The following KCNQ5 variants were observed in gnomAD, a reference collection of about 807,000 sequenced individuals.
The protein encoded by KCNQ5 is potassium voltage-gated channel subfamily KQT member 5.
Under a neutral mutation model 98.2 loss-of-function variants are expected in KCNQ5, and 30 were observed. The ratio of observed to expected loss-of-function variants is 0.31; its 90% CI spans 0.23 to 0.41. KCNQ5 has a LOEUF of 0.41. Ranked by LOEUF, KCNQ5 falls within the 10% of genes least tolerant of loss-of-function variation. The pLI is 1.00. For synonymous variants in KCNQ5, 458 were observed against 449.4 expected (o/e 1.02, Z -0.24); for missense variants, 835 against 1,182.5 (o/e 0.71, Z 4.31).
intron 1 of KCNQ5, among the ~76,000 whole-genome samples, chr6:72,804,123 A>G (rs182982967): frequency 6.6e-6 from 1 of 152,236 alleles, no homozygotes; most frequent in African/African-American, 2.4e-5. Context: ...AGGGCATACA[A>G]GGCATGATAA....
At chr6:72,762,124 T>C (rs1370836280) in intron 1 of KCNQ5, among the ~76,000 whole-genome samples, 1 of 151,926 alleles carries the variant, frequency 6.6e-6, no homozygotes, top group African/African-American at 2.4e-5. Flanking sequence ...GGAACTCCAG[T>C]AGAAGTGCCA....
chr6:72,950,027 G>GA (rs890685686), intron 1 of KCNQ5, among the ~76,000 whole-genome samples: 5 of 151,488 alleles, frequency 3.3e-5, no homozygotes, highest in African/African-American at 4.8e-5. Flanking sequence ...CAAAAGAGAT[G>GA]AAAAAAAATT....
chr6:72,703,250 T>C (rs1187511171), intron 1 of KCNQ5, among the ~76,000 whole-genome samples: 1 of 152,224 alleles, frequency 6.6e-6, no homozygotes, highest in Non-Finnish European at 1.5e-5. Context: ...CCCAGCATCT[T>C]ATCTTTGCCC....
chr6:73,012,987 A>G (rs886506523), intron 2 of KCNQ5, among the ~76,000 whole-genome samples: 2 of 152,142 alleles, frequency 1.3e-5, no homozygotes, highest in South Asian at 2.1e-4. Context: ...AAATATGATC[A>G]TCATGGGATC....
intron 1 of KCNQ5, among the ~76,000 whole-genome samples, chr6:72,693,093 A>G (rs1768294549): frequency 6.6e-6 from 1 of 152,208 alleles, no homozygotes; most frequent in Non-Finnish European, 1.5e-5. Flanking sequence ...ACTTTGAAGT[A>G]TAGATTTATG....
At chr6:73,119,246 G>A (rs1775645965) in intron 7 of KCNQ5, among the ~76,000 whole-genome samples, 1 of 152,190 alleles carries the variant, frequency 6.6e-6, no homozygotes, top group African/African-American at 2.4e-5. Context: ...TCCAATAACA[G>A]TCTTCAAGCA....
intron 1 of KCNQ5, among the ~76,000 whole-genome samples, chr6:72,698,787 T>C (rs1216580765): frequency 6.6e-6 from 1 of 151,218 alleles, no homozygotes; most frequent in Non-Finnish European, 1.5e-5. Flanking sequence ...CCTGAGTAGC[T>C]AGGACTGCAG....
intron 5 of KCNQ5, among the ~76,000 whole-genome samples, chr6:73,095,550 G>T (rs1031423676): frequency 6.6e-6 from 1 of 152,146 alleles, no homozygotes. Context: ...ATTTGGGTAG[G>T]CTCTGTCAGA....
At chr6:72,738,736 T>C (rs1460221829) in intron 1 of KCNQ5, among the ~76,000 whole-genome samples, 1 of 152,062 alleles carries the variant, frequency 6.6e-6, no homozygotes, top group Non-Finnish European at 1.5e-5. Context: ...AAATAAGGTA[T>C]CACATCGTGA....
At chr6:72,901,857 A>T (rs1779520230) in intron 1 of KCNQ5, among the ~76,000 whole-genome samples, 1 of 151,908 alleles carries the variant, frequency 6.6e-6, no homozygotes, top group African/African-American at 2.4e-5. Flanking sequence ...TATGAATTTT[A>T]TCATTGTTTT....
intron 5 of KCNQ5, among the ~76,000 whole-genome samples, chr6:73,096,330 C>A (rs1774494625): frequency 1.1e-5 from 1 of 87,116 alleles, no homozygotes. Flanking sequence ...GGCAAAGGTC[C>A]TTAGGCAAAA....
chr6:72,986,825 G>A (rs188392849), intron 1 of KCNQ5: 2 of 1,209,640 alleles, frequency 1.7e-6, no homozygotes, highest in Non-Finnish European at 2.5e-6. Context: ...GGAAACAAAG[G>A]GGGCCCAGGA....
intron 1 of KCNQ5, among the ~76,000 whole-genome samples, chr6:72,979,618 C>T (rs1181778586): frequency 1.3e-5 from 2 of 152,110 alleles, no homozygotes; most frequent in African/African-American, 2.4e-5. Context: ...TTCTCCCATT[C>T]TGTAGGTTGC....
At chr6:72,828,693 T>TA (rs965304406) in intron 1 of KCNQ5, among the ~76,000 whole-genome samples, 7 of 151,968 alleles carry the variant, frequency 4.6e-5, no homozygotes, top group African/African-American at 1.2e-4. Context: ...TTTTCCTCTT[T>TA]AAAAAAAATC....
At chr6:72,852,014 T>C (rs1189419134) in intron 1 of KCNQ5, among the ~76,000 whole-genome samples, 2 of 152,114 alleles carry the variant, frequency 1.3e-5, no homozygotes, top group East Asian at 1.9e-4. Context: ...ATACTATTAG[T>C]AGTTACTATC....
intron 3 of KCNQ5, among the ~76,000 whole-genome samples, chr6:73,062,784 G>T (rs1171058351): frequency 6.6e-6 from 1 of 152,106 alleles, no homozygotes; most frequent in Non-Finnish European, 1.5e-5. Context: ...TTCTTTTACA[G>T]GAGGCTTGTC....
intron 1 of KCNQ5, among the ~76,000 whole-genome samples, chr6:72,805,383 TGGAAGCTTCCCAGCACC>T (rs1431949763): frequency 2.0e-5 from 3 of 152,160 alleles, no homozygotes; most frequent in Non-Finnish European, 4.4e-5. Context: ...CTTCTGCATA[TGGAAGCTTCCCAGCACC>T]ATTTATTGAA....
chr6:72,986,964 A>G (rs1392226312), intron 1 of KCNQ5: 23 of 804,974 alleles, frequency 2.9e-5, no homozygotes, highest in Non-Finnish European at 4.4e-5. Flanking sequence ...GAAGAGCCCC[A>G]GGGAGCACAG....
intron 1 of KCNQ5, among the ~76,000 whole-genome samples, chr6:72,988,658 T>TTC (rs1484228354): frequency 6.7e-6 from 1 of 150,042 alleles, no homozygotes; most frequent in Non-Finnish European, 1.5e-5. Flanking sequence ...TCTTTTTTTT[T>TTC]TTTTTTTTTA....
Sources: allele counts gnomAD v4.1 joint callset (sites outside exome capture counted in the v4.1 genomes callset), GRCh38; gene constraint gnomAD v4.1.1; transcripts MANE v1.5; gene names NCBI Gene and HGNC (gene_info 2026-07-23, HGNC 2026-07-21).